Variants in LRRC4C observed in about 807,000 individuals in gnomAD.
The protein encoded by LRRC4C is leucine rich repeat containing 4C.
Under a neutral mutation model 33.6 loss-of-function variants are expected in LRRC4C, and 5 were observed. The observed-to-expected ratio is 0.15, with a 90% confidence interval of 0.08 to 0.31. LRRC4C has a LOEUF of 0.31. LRRC4C is among the 10% of genes least tolerant of loss of function. The pLI is 1.00. For synonymous variants in LRRC4C, 329 were observed against 302.0 expected, an observed-to-expected ratio of 1.09 and a Z score of -0.93; for missense variants, 560 against 796.7, an observed-to-expected ratio of 0.70 and a Z score of 3.58.
At chr11:41,325,679 A>T (rs1951096070) in intron 1 of LRRC4C, among the ~76,000 whole-genome samples, 1 of 151,292 alleles carries the variant, frequency 6.6e-6, no homozygotes, top group Non-Finnish European at 1.5e-5. Context: ...TGCAAAAACA[A>T]CAACAACAAC....
intron 2 of LRRC4C, among the ~76,000 whole-genome samples, chr11:40,848,126 G>C (rs1427739334): frequency 6.6e-6 from 1 of 151,200 alleles, no homozygotes; most frequent in Non-Finnish European, 1.5e-5. Context: ...TTTTTGATGG[G>C]TTTTTCATGT....
intron 2 of LRRC4C, among the ~76,000 whole-genome samples, chr11:40,837,759 A>G (rs1287673197): frequency 1.3e-5 from 2 of 151,706 alleles, no homozygotes; most frequent in Admixed American, 6.6e-5. Context: ...CTGAAGAGGT[A>G]GGATTGCTTG....
chr11:40,526,318 A>G (rs1956047402), intron 3 of LRRC4C, among the ~76,000 whole-genome samples: 1 of 152,144 alleles, frequency 6.6e-6, no homozygotes, highest in South Asian at 2.1e-4. Context: ...AAGGATATTT[A>G]AAATACATAT....
At chr11:40,180,108 AATTAG>A (rs1193473373) in intron 5 of LRRC4C, among the ~76,000 whole-genome samples, 1 of 152,268 alleles carries the variant, frequency 6.6e-6, no homozygotes, top group African/African-American at 2.4e-5. Flanking sequence ...CTACAGAAGT[AATTAG>A]ATTAAAGTAA....
chr11:40,467,850 C>A (rs2138253849), intron 3 of LRRC4C, among the ~76,000 whole-genome samples: 1 of 152,294 alleles, frequency 6.6e-6, no homozygotes, highest in South Asian at 2.1e-4. Flanking sequence ...GATCTCCCTC[C>A]TAGTATATCA....
chr11:40,136,760 C>G (rs1280426726), intron 6 of LRRC4C, among the ~76,000 whole-genome samples: 1 of 152,156 alleles, frequency 6.6e-6, no homozygotes, highest in African/African-American at 2.4e-5. Flanking sequence ...ATGGAGGAAT[C>G]CTGGGGAAAA....
intron 3 of LRRC4C, among the ~76,000 whole-genome samples, chr11:40,569,845 T>G (rs1171151772): frequency 6.6e-6 from 1 of 151,942 alleles, no homozygotes; most frequent in South Asian, 2.1e-4. Context: ...CAATAAAAAG[T>G]GGATAAATTT....
At chr11:40,539,694 G>A (rs1956625199) in intron 3 of LRRC4C, among the ~76,000 whole-genome samples, 2 of 152,026 alleles carry the variant, frequency 1.3e-5, no homozygotes, top group South Asian at 2.1e-4. Flanking sequence ...TAGATGAAGA[G>A]TCCTTTCATT....
At chr11:40,199,351 G>A (rs542440103) in intron 5 of LRRC4C, among the ~76,000 whole-genome samples, 5 of 152,330 alleles carry the variant, frequency 3.3e-5, no homozygotes, top group South Asian at 2.1e-4. Context: ...GATTACAGTA[G>A]TGAACCACTG....
At chr11:40,870,647 T>C (rs528479807) in intron 2 of LRRC4C, among the ~76,000 whole-genome samples, 115 of 152,310 alleles carry the variant, frequency 7.6e-4, no homozygotes, top group African/African-American at 2.6e-3. Flanking sequence ...CCCCAATCAA[T>C]ACCCTTGTGA....
intron 1 of LRRC4C, among the ~76,000 whole-genome samples, chr11:41,353,846 G>A (rs7939240): frequency 0.18 from 27,094 of 151,498 alleles, 2,808 homozygotes; most frequent in East Asian, 0.46. Context: ...ACAAAACAAC[G>A]CAACAATCTA....
At chr11:41,368,817 T>G (rs1421002667) in intron 1 of LRRC4C, among the ~76,000 whole-genome samples, 1 of 152,230 alleles carries the variant, frequency 6.6e-6, no homozygotes, top group Non-Finnish European at 1.5e-5. Context: ...ATTCTTTTCC[T>G]ATCTATCATT....
intron 4 of LRRC4C, among the ~76,000 whole-genome samples, chr11:40,315,801 A>T (rs1945546975): frequency 1.3e-5 from 2 of 152,004 alleles, no homozygotes; most frequent in African/African-American, 4.8e-5. Context: ...GGTTACACCA[A>T]ATTATACTCT....
At chr11:40,699,886 T>C (rs912945270) in intron 2 of LRRC4C, among the ~76,000 whole-genome samples, 1 of 152,194 alleles carries the variant, frequency 6.6e-6, no homozygotes, top group East Asian at 1.9e-4. Context: ...TTCAATTAAA[T>C]ATACACAAAG....
chr11:40,783,306 T>TTTTC (rs1950291045), intron 2 of LRRC4C, among the ~76,000 whole-genome samples: 1 of 151,838 alleles, frequency 6.6e-6, no homozygotes, highest in African/African-American at 2.4e-5. Context: ...TTTTATTTTT[T>TTTTC]ATTTTTTGAG....
chr11:40,826,830 A>G (rs760174366), intron 2 of LRRC4C, among the ~76,000 whole-genome samples: 1 of 151,988 alleles, frequency 6.6e-6, no homozygotes, highest in Non-Finnish European at 1.5e-5. Context: ...TAACTAAAAT[A>G]TTGCCTTATG....
At chr11:40,745,449 C>G (rs542384980) in intron 2 of LRRC4C, among the ~76,000 whole-genome samples, 1 of 152,198 alleles carries the variant, frequency 6.6e-6, no homozygotes, top group African/African-American at 2.4e-5. Flanking sequence ...GACATTTTGA[C>G]TTAAAGTGAA....
At chr11:41,342,033 T>TA (rs1359314449) in intron 1 of LRRC4C, among the ~76,000 whole-genome samples, 1 of 152,204 alleles carries the variant, frequency 6.6e-6, no homozygotes, top group Non-Finnish European at 1.5e-5. Flanking sequence ...CCCTGGTTTC[T>TA]CAAAGTCACA....
chr11:40,428,596 A>G (rs1950801599), intron 3 of LRRC4C, among the ~76,000 whole-genome samples: 1 of 152,210 alleles, frequency 6.6e-6, no homozygotes, highest in African/African-American at 2.4e-5. Flanking sequence ...GAATTGAGAA[A>G]CATATCTCTT....
Sources: allele counts gnomAD v4.1 joint callset (sites outside exome capture counted in the v4.1 genomes callset), GRCh38; gene constraint gnomAD v4.1.1; transcripts MANE v1.5; gene names NCBI Gene and HGNC (gene_info 2026-07-23, HGNC 2026-07-21).